The following RBPJ variants were observed in gnomAD, a reference collection of about 807,000 sequenced individuals.
RBPJ encodes the protein recombination signal binding protein for immunoglobulin kappa J region.
In RBPJ, 9 loss-of-function variants were observed where a neutral mutation model predicts 67.8. The ratio of observed to expected loss-of-function variants is 0.13; its 90% CI spans 0.08 to 0.23. The LOEUF (loss-of-function observed/expected upper bound fraction) is 0.23, where lower values mean the gene tolerates loss of function less well. RBPJ is among the 10% of genes least tolerant of loss of function. RBPJ has a pLI of 1.00. For missense variants in RBPJ, 305 were observed against 595.6 expected, an observed-to-expected ratio of 0.51 and a Z score of 5.08; for synonymous variants, 198 against 203.3, an observed-to-expected ratio of 0.97 and a Z score of 0.22.
intron 1 of RBPJ, among the ~76,000 whole-genome samples, chr4:26,227,113 G>A (rs1052900335): frequency 6.6e-6 from 1 of 152,184 alleles, no homozygotes; most frequent in Non-Finnish European, 1.5e-5. Context: ...GATACAAAAC[G>A]CTTCACTGGA....
intron 1 of RBPJ, among the ~76,000 whole-genome samples, chr4:26,345,912 A>G (rs1459885522): frequency 6.6e-6 from 1 of 152,162 alleles, no homozygotes; most frequent in Admixed American, 6.5e-5. Context: ...AAATGACAAA[A>G]TCACATCTTT....
At chr4:26,216,048 C>A (rs1718714909) in intron 1 of RBPJ, among the ~76,000 whole-genome samples, 1 of 152,138 alleles carries the variant, frequency 6.6e-6, no homozygotes, top group African/African-American at 2.4e-5. Context: ...GGGGGAAATT[C>A]AGTTCCTTGC....
intron 1 of RBPJ, among the ~76,000 whole-genome samples, chr4:26,201,348 C>T (rs748941620): frequency 2.6e-5 from 4 of 152,130 alleles, no homozygotes; most frequent in Non-Finnish European, 4.4e-5. Context: ...ATAGCTGAGT[C>T]GGTATTTCAT....
the RBPJ span, among the ~76,000 whole-genome samples, chr4:26,132,849 AG>A: frequency 6.6e-6 from 1 of 152,056 alleles, no homozygotes; most frequent in East Asian, 1.9e-4. Flanking sequence ...AAGAGGGGGC[AG>A]GGTCCTTACC....
In RBPJ at chr4:26,254,991, C is replaced by T. The variant is rs1207503221; in HGVS notation, c.-167+91377C>T. On this transcript the variant is annotated intron_variant, in intron 1 of 4. Coordinates refer to the RBPJ transcript ENST00000512351. ...TGCTGGGATTACAGGCATGAACCAC[C>T]GCACCTGGCCAACATGTTTAAAATG... 6.4e-5 allele frequency among the ~76,000 whole-genome samples: 9 copies of T among 141,190 alleles called. 1 individual carries two copies. The highest frequency in any genetic ancestry group is 2.3e-4 in the South Asian group (1 of 4,372). The allele number at this position is 141,190 out of a possible 152,430, so 92.6% of individuals were successfully genotyped here.
At chr4:26,183,101 TTTA>T (rs574900518) in intron 1 of RBPJ, among the ~76,000 whole-genome samples, 73 of 152,340 alleles carry the variant, frequency 4.8e-4, no homozygotes, top group African/African-American at 1.7e-3. Context: ...ACACAGTCAA[TTTA>T]TTATTATCAA....
chr4:26,268,367 C>T (rs931931457), intron 1 of RBPJ, among the ~76,000 whole-genome samples: 1 of 152,110 alleles, frequency 6.6e-6, no homozygotes, highest in Admixed American at 6.6e-5. Context: ...ATTTCTGGGG[C>T]CTGAGTCCTT....
At chr4:26,326,004 G>C (rs1337092554) in intron 1 of RBPJ, among the ~76,000 whole-genome samples, 1 of 152,076 alleles carries the variant, frequency 6.6e-6, no homozygotes, top group Non-Finnish European at 1.5e-5. Flanking sequence ...TTGGTGGCAG[G>C]TATCATTTAT....
At chr4:26,116,476 T>G in the RBPJ span, among the ~76,000 whole-genome samples, 33 of 152,226 alleles carry the variant, frequency 2.2e-4, no homozygotes, top group African/African-American at 7.7e-4. Context: ...GCAGAAACCT[T>G]GACTTTCTCC....
intron 1 of RBPJ, among the ~76,000 whole-genome samples, chr4:26,223,515 G>A (rs1435649935): frequency 2.6e-5 from 4 of 152,192 alleles, no homozygotes; most frequent in African/African-American, 9.7e-5. Flanking sequence ...CTAAACAGAG[G>A]AAAGACATTC....
chr4:26,286,188 T>G (rs1445619101), intron 1 of RBPJ, among the ~76,000 whole-genome samples: 1 of 151,786 alleles, frequency 6.6e-6, no homozygotes, highest in Non-Finnish European at 1.5e-5. Context: ...TTATAGAACA[T>G]GTACTGTGGG....
chr4:26,425,150 C>T (rs1396466507), intron 7 of RBPJ, among the ~76,000 whole-genome samples: 3 of 152,242 alleles, frequency 2.0e-5, no homozygotes, highest in East Asian at 3.9e-4. Flanking sequence ...AAACAGAAGA[C>T]ATTCTTATTT....
intron 1 of RBPJ, among the ~76,000 whole-genome samples, chr4:26,184,018 A>G (rs975633536): frequency 6.6e-6 from 1 of 151,644 alleles, no homozygotes; most frequent in African/African-American, 2.4e-5. Context: ...TCTCAAAAAA[A>G]CAAAATAAAA....
chr4:26,258,845 C>T (rs1313055208), intron 1 of RBPJ, among the ~76,000 whole-genome samples: 2 of 151,746 alleles, frequency 1.3e-5, no homozygotes, highest in African/African-American at 2.4e-5. Context: ...TGCTCTGTTG[C>T]CGGGCTGGAG....
chr4:26,167,309 T>G (rs946660263), intron 1 of RBPJ, among the ~76,000 whole-genome samples: 4 of 152,224 alleles, frequency 2.6e-5, no homozygotes, highest in Non-Finnish European at 2.9e-5. Context: ...CCTTGGGCAG[T>G]GTGGCCATTT....
At chr4:26,369,994 G>A (rs1290864990) in intron 1 of RBPJ, among the ~76,000 whole-genome samples, 3 of 152,080 alleles carry the variant, frequency 2.0e-5, no homozygotes, top group Non-Finnish European at 4.4e-5. Context: ...CAGCGAACTG[G>A]GCAGGTCAAG....
chr4:26,110,706 G>C, the RBPJ span, among the ~76,000 whole-genome samples: 1 of 152,202 alleles, frequency 6.6e-6, no homozygotes, highest in Admixed American at 6.5e-5. The surrounding 1 kb of genome is among the most constrained non-coding windows in gnomAD (Gnocchi z 4.5). Context: ...CTTTCACACT[G>C]AAGTTAAACG....
At chr4:26,326,718 A>T (rs1577442959) in intron 1 of RBPJ, among the ~76,000 whole-genome samples, 2 of 152,340 alleles carry the variant, frequency 1.3e-5, no homozygotes, top group Admixed American at 6.5e-5. Context: ...CAAATGAAAC[A>T]GTGTATGTGT....
At chr4:26,301,615 T>A (rs935329256) in intron 1 of RBPJ, among the ~76,000 whole-genome samples, 2 of 151,550 alleles carry the variant, frequency 1.3e-5, no homozygotes, top group African/African-American at 4.8e-5. Flanking sequence ...GAAAAAAATT[T>A]AAATTTTTTT....
Sources: gnomAD v4.1 joint callset for allele counts (sites outside exome capture counted in the v4.1 genomes callset) on GRCh38, gnomAD v4.1.1 for gene constraint, Gnocchi (gnomAD v3.1) non-coding constraint, MANE v1.5 for transcripts, NCBI Gene and HGNC (gene_info 2026-07-23, HGNC 2026-07-21) for gene names.